DNAH6: variants seen among roughly 807,000 people sequenced by gnomAD.
DNAH6 encodes dynein axonemal heavy chain 6.
Under a neutral mutation model 491.4 loss-of-function variants are expected in DNAH6, and 340 were observed. The ratio of observed to expected loss-of-function variants is 0.69; its 90% CI spans 0.63 to 0.76. DNAH6 has a LOEUF of 0.76. Ranked by LOEUF, DNAH6 falls within the 30% of genes least tolerant of loss-of-function variation. The pLI is 0.00. For synonymous variants in DNAH6, 1,603 were observed against 1,686.1 expected (o/e 0.95, Z 1.21); for missense variants, 4,443 against 4,972.2 (o/e 0.89, Z 3.20).
At chr2:84,626,029 A>G (rs1361868974) in intron 29 of DNAH6, among the ~76,000 whole-genome samples, 1 of 152,144 alleles carries the variant, frequency 6.6e-6, no homozygotes, top group Non-Finnish European at 1.5e-5. Flanking sequence ...TTCGTACTCT[A>G]TACTCTCATG....
the DNAH6 span, among the ~76,000 whole-genome samples, chr2:84,468,844 C>T: frequency 1.3e-5 from 2 of 152,140 alleles, no homozygotes; most frequent in East Asian, 3.9e-4. Context: ...ATTTCTGTTC[C>T]CTGGAAGGCA....
chr2:84,629,602 A>G (rs972667587), intron 29 of DNAH6, among the ~76,000 whole-genome samples: 2 of 152,106 alleles, frequency 1.3e-5, no homozygotes, highest in African/African-American at 4.8e-5. Flanking sequence ...AAATTGATTA[A>G]TAGTGTTTTT....
Position 84,707,704 on chromosome 2 carries a change from G to C in DNAH6, c.9036G>C (p.Gln3012His). The C allele has an allele frequency of 6.4e-7, 1 of 1,551,926 alleles. No individual in the cohort carries two copies. The highest frequency in any genetic ancestry group is 8.7e-7 in the Non-Finnish European group (1 of 1,146,806). The change falls in exon 54 of 77, where the codon CAG becomes CAC. Residue 3012 changes from glutamine to histidine, a missense_variant. By Grantham distance (24) the Gln-to-His change is conservative. Coordinates refer to ENST00000389394, the MANE Select transcript of DNAH6 (RefSeq NM_001370.2). ...CVAYYGAFTA[Q>H]YRQSLIECWI... is the part of the protein sequence containing the mutation. Reference sequence around the variant, plus strand: ...CCTACTATGGGGCTTTCACAGCCCAGTACAGGCAGTCAGTGAGTAACCCTG... The same window carrying C: ...CCTACTATGGGGCTTTCACAGCCCACTACAGGCAGTCAGTGAGTAACCCTG...
chr2:84,669,524 A>T lies in DNAH6; in HGVS notation c.6306+14A>T. 6.5e-7 allele frequency: 1 copy of T among 1,547,438 alleles called. No individual in the cohort carries two copies. The highest frequency in any genetic ancestry group is 1.2e-5 in the South Asian group (1 of 83,962). ...GGAGTGGGCAAGGTAGGAAACTTAC[A>T]TCAAACAAGAAGTCCTCTCCAAATG... On this transcript the variant is annotated intron_variant, in intron 38 of 76. Coordinates refer to ENST00000389394, the MANE Select transcript of DNAH6 (RefSeq NM_001370.2).
chr2:84,736,934 T>C (rs1023872445), intron 62 of DNAH6, among the ~76,000 whole-genome samples: 1 of 152,160 alleles, frequency 6.6e-6, no homozygotes, highest in African/African-American at 2.4e-5. Flanking sequence ...CTTCCAGCTA[T>C]TGTCCTTTCA....
chr2:84,539,593 T>G (rs1436104743), intron 4 of DNAH6, among the ~76,000 whole-genome samples: 1 of 152,044 alleles, frequency 6.6e-6, no homozygotes, highest in Admixed American at 6.6e-5. Flanking sequence ...ACAGCAGCAT[T>G]TCTCAAGCCC....
At chr2:84,519,560 T>C (rs1480973864) in intron 2 of DNAH6, among the ~76,000 whole-genome samples, 1 of 151,814 alleles carries the variant, frequency 6.6e-6, no homozygotes, top group Non-Finnish European at 1.5e-5. Flanking sequence ...GTTATTGACT[T>C]CCCTCCCCTC....
intron 75 of DNAH6, among the ~76,000 whole-genome samples, chr2:84,815,026 G>A (rs954431078): frequency 7.2e-5 from 11 of 152,228 alleles, no homozygotes; most frequent in African/African-American, 2.2e-4. Context: ...CCGCCTTGGC[G>A]CAGCATAGGA....
intron 10 of DNAH6, among the ~76,000 whole-genome samples, chr2:84,553,351 TTTC>T (rs1679604565): frequency 7.8e-5 from 1 of 12,838 alleles, no homozygotes; most frequent in South Asian, 2.6e-3. Context: ...TTTCCTTTCT[TTTC>T]TTTTCTTTTC....
the DNAH6 span, among the ~76,000 whole-genome samples, chr2:84,469,849 T>G: frequency 6.6e-6 from 1 of 152,188 alleles, no homozygotes; most frequent in Non-Finnish European, 1.5e-5. This position sits in a 1 kb window ranked among gnomAD's most constrained non-coding sequence, Gnocchi z 4.0. Flanking sequence ...AAACCTGTAC[T>G]TAGCCAAGAG....
At chr2:84,621,633 T>C in intron 26 of DNAH6, 82 bp downstream of exon 26, 1 of 709,630 alleles carries the variant, frequency 1.4e-6, no homozygotes, top group South Asian at 2.3e-5. Context: ...TAATGCAAAT[T>C]CACTTTATTT....
intron 23 of DNAH6, among the ~76,000 whole-genome samples, chr2:84,617,673 T>C (rs1180688226): frequency 6.6e-6 from 1 of 152,054 alleles, no homozygotes; most frequent in Non-Finnish European, 1.5e-5. Context: ...TACTGTTTTA[T>C]TGTTGAATGA....
At chr2:84,555,112 A>G (rs1430913797) in intron 10 of DNAH6, among the ~76,000 whole-genome samples, 1 of 152,186 alleles carries the variant, frequency 6.6e-6, no homozygotes, top group African/African-American at 2.4e-5. Flanking sequence ...TTTTTTCGCT[A>G]TTATTTTAGT....
intron 10 of DNAH6, among the ~76,000 whole-genome samples, chr2:84,556,243 G>A (rs1197231225): frequency 6.6e-6 from 1 of 152,210 alleles, no homozygotes; most frequent in Non-Finnish European, 1.5e-5. Context: ...TACCTTGGAA[G>A]TTGGGACCCT....
intron 16 of DNAH6, 88 bp from the exon 17 acceptor site, chr2:84,593,884 C>G (rs1684336885): frequency 6.4e-6 from 4 of 620,396 alleles, no homozygotes; most frequent in Admixed American, 3.3e-5. Flanking sequence ...CAAGCAATCA[C>G]TGTACCAAGA....
chr2:84,683,889 C>G (rs1488833969), intron 42 of DNAH6, among the ~76,000 whole-genome samples: 1 of 152,118 alleles, frequency 6.6e-6, no homozygotes, highest in Non-Finnish European at 1.5e-5. Flanking sequence ...TAAGTCATTA[C>G]CTGTTGTGCA....
At chr2:84,707,119 A>G (rs1011708667) in intron 53 of DNAH6, 100 bp downstream of exon 53, 1 of 1,321,830 alleles carries the variant, frequency 7.6e-7, no homozygotes, top group Non-Finnish European at 1.0e-6. Context: ...TCCAATGTGT[A>G]GAATGTATTT....
chr2:84,812,254 A>T, intron 72 of DNAH6, 87 bp from the exon 73 acceptor site: 1 of 1,269,000 alleles, frequency 7.9e-7, no homozygotes, highest in South Asian at 1.5e-5. Flanking sequence ...CCTCCAGGCA[A>T]GGCAGCCCCT....
chr2:84,467,043 T>C, the DNAH6 span, among the ~76,000 whole-genome samples: 314 of 152,334 alleles, frequency 2.1e-3, no homozygotes, highest in Non-Finnish European at 3.6e-3. Context: ...GAGCAGATCA[T>C]AAGCAGGTTT....
Sources: gnomAD v4.1 joint callset for allele counts (sites outside exome capture counted in the v4.1 genomes callset) on GRCh38, gnomAD v4.1.1 for gene constraint, Gnocchi (gnomAD v3.1) non-coding constraint, MANE v1.5 for transcripts, NCBI Gene and HGNC (gene_info 2026-07-23, HGNC 2026-07-21) for gene names.